Variants in FHIT observed in about 807,000 individuals in gnomAD.
FHIT encodes the protein bis(5'-adenosyl)-triphosphatase.
Under a neutral mutation model 17.9 loss-of-function variants are expected in FHIT, and 19 were observed. That is an observed-to-expected ratio of 1.06 (90% CI 0.74 to 1.56). The LOEUF is 1.56. Among genes scored for constraint, FHIT ranks in the 40% most tolerant of loss-of-function variants. The pLI, the probability that FHIT is intolerant of heterozygous loss-of-function variation, is 0.00. For missense variants in FHIT, 248 were observed against 189.2 expected (o/e 1.31, Z -1.82); for synonymous variants, 81 against 69.7 (o/e 1.16, Z -0.81).
chr3:59,863,360 CA>C (rs1446137940), intron 8 of FHIT, among the ~76,000 whole-genome samples: 1 of 152,204 alleles, frequency 6.6e-6, no homozygotes, highest in Non-Finnish European at 1.5e-5. Context: ...CTGCTGAAAG[CA>C]TTCAAAACCA....
At chr3:60,849,535 A>G (rs552055863) in intron 3 of FHIT, among the ~76,000 whole-genome samples, 1 of 151,568 alleles carries the variant, frequency 6.6e-6, no homozygotes, top group African/African-American at 2.4e-5. Context: ...CTCCGATCCA[A>G]CAGAGTAAGT....
chr3:60,591,785 C>T (rs2038093734), intron 4 of FHIT, among the ~76,000 whole-genome samples: 1 of 151,928 alleles, frequency 6.6e-6, no homozygotes, highest in South Asian at 2.1e-4. Flanking sequence ...GAAATTATTC[C>T]GTTTTGACAC....
chr3:60,773,050 T>A (rs922292322), intron 4 of FHIT, among the ~76,000 whole-genome samples: 3 of 152,142 alleles, frequency 2.0e-5, no homozygotes, highest in African/African-American at 2.4e-5. Context: ...ATCTCCGGCA[T>A]GGTGTGGCTA....
intron 5 of FHIT, among the ~76,000 whole-genome samples, chr3:60,429,997 G>T (rs1702817852): frequency 6.6e-6 from 1 of 151,912 alleles, no homozygotes; most frequent in African/African-American, 2.4e-5. Flanking sequence ...TTAAGCCCGT[G>T]CCTTAAGAAG....
At chr3:60,249,813 G>C (rs7650713) in intron 5 of FHIT, among the ~76,000 whole-genome samples, 10,165 of 151,924 alleles carry the variant, frequency 0.067, 730 homozygotes, top group African/African-American at 0.19. Context: ...ATTTATAAAG[G>C]AAAGAGATTT....
chr3:61,225,076 T>G (rs1268931934), intron 1 of FHIT, among the ~76,000 whole-genome samples: 1 of 152,190 alleles, frequency 6.6e-6, no homozygotes, highest in Non-Finnish European at 1.5e-5. Context: ...AATCCAAGTC[T>G]GCCCTTCCTC....
chr3:60,947,368 CGT>C (rs1234437756), intron 3 of FHIT, among the ~76,000 whole-genome samples: 1 of 152,070 alleles, frequency 6.6e-6, no homozygotes, highest in Non-Finnish European at 1.5e-5. Flanking sequence ...ATGACTATCG[CGT>C]GTTTTCTAAG....
chr3:60,158,100 T>C (rs1177074276), intron 5 of FHIT, among the ~76,000 whole-genome samples: 2 of 152,156 alleles, frequency 1.3e-5, no homozygotes, highest in Non-Finnish European at 2.9e-5. Context: ...GGAAGTATTC[T>C]GATAAGGAAC....
intron 8 of FHIT, among the ~76,000 whole-genome samples, chr3:59,776,142 C>T (rs1343386158): frequency 6.6e-6 from 1 of 152,246 alleles, no homozygotes; most frequent in Non-Finnish European, 1.5e-5. Context: ...ATCCTGGCAG[C>T]ATGGGCTGGA....
At chr3:60,968,689 G>T (rs2107523856) in intron 3 of FHIT, among the ~76,000 whole-genome samples, 1 of 152,218 alleles carries the variant, frequency 6.6e-6, no homozygotes, top group East Asian at 1.9e-4. Context: ...GGGAATACAG[G>T]CCGCCCTGCC....
chr3:59,808,095 C>CA (rs913989076), intron 8 of FHIT, among the ~76,000 whole-genome samples: 7 of 152,108 alleles, frequency 4.6e-5, no homozygotes, highest in African/African-American at 1.7e-4. Context: ...TTTCCCCTAC[C>CA]CCCCCAGTCC....
intron 4 of FHIT, among the ~76,000 whole-genome samples, chr3:60,569,720 TA>T (rs1369263015): frequency 1.9e-5 from 2 of 103,846 alleles, no homozygotes; most frequent in African/African-American, 7.3e-5. Flanking sequence ...ATTTATTTAT[TA>T]ATACTATATA....
intron 5 of FHIT, among the ~76,000 whole-genome samples, chr3:60,157,235 G>T (rs528133871): frequency 1.3e-5 from 2 of 152,108 alleles, no homozygotes; most frequent in African/African-American, 4.8e-5. Context: ...AGCATGGTAC[G>T]AAAGACCACA....
intron 5 of FHIT, among the ~76,000 whole-genome samples, chr3:60,458,373 T>C (rs971375926): frequency 3.4e-5 from 5 of 148,250 alleles, no homozygotes; most frequent in African/African-American, 5.0e-5. Context: ...TAGGTGGGAA[T>C]TGAACTATGA....
rs371241800 is a variant in FHIT at position 60,497,535 on chromosome 3, A to G, written c.103+39325T>C. 1.4e-4 allele frequency among the ~76,000 whole-genome samples: 22 copies of G among 152,316 alleles called. No individual in the cohort carries two copies. In the East Asian group the frequency reaches 3.7e-3, roughly 25 times the overall value. ...CTATAAATATATCTTTGGAAAAACA[A>G]TATTCTCACACTCACGATCAAACGT... On this transcript the variant is annotated intron_variant, in intron 5 of 9. Coordinates refer to ENST00000492590, the MANE Select transcript of FHIT (RefSeq NM_002012.4).
intron 1 of FHIT, among the ~76,000 whole-genome samples, chr3:61,206,673 C>A (rs1047825170): frequency 2.0e-5 from 3 of 151,862 alleles, no homozygotes; most frequent in Admixed American, 6.6e-5. Flanking sequence ...GATTTTGTAT[C>A]CTGAGACTTT....
At chr3:60,861,165 CAT>C (rs1395639641) in intron 3 of FHIT, among the ~76,000 whole-genome samples, 2 of 22,944 alleles carry the variant, frequency 8.7e-5, no homozygotes, top group Non-Finnish European at 1.5e-4. Context: ...ACATATATAT[CAT>C]ATGTTCTATG....
chr3:60,705,718 G>A (rs2041356076), intron 4 of FHIT, among the ~76,000 whole-genome samples: 1 of 152,114 alleles, frequency 6.6e-6, no homozygotes, highest in Non-Finnish European at 1.5e-5. Flanking sequence ...ACAAAAGCTT[G>A]AAAACACTAC....
intron 3 of FHIT, among the ~76,000 whole-genome samples, chr3:60,895,673 T>TCCTTCCTTC (rs1234426684): frequency 7.4e-5 from 2 of 27,188 alleles, no homozygotes; most frequent in African/African-American, 1.7e-4. Flanking sequence ...TTCCTTTCTT[T>TCCTTCCTTC]CTTTCTTTCT....
Sources: allele counts gnomAD v4.1 joint callset (sites outside exome capture counted in the v4.1 genomes callset), GRCh38; gene constraint gnomAD v4.1.1; transcripts MANE v1.5; gene names NCBI Gene and HGNC (gene_info 2026-07-23, HGNC 2026-07-21).